Variants in THSD4 observed in about 807,000 individuals in gnomAD.
THSD4 encodes thrombospondin type-1 domain-containing protein 4.
A neutral mutation model predicts 119.0 loss-of-function variants in THSD4; 69 were observed. The ratio of observed to expected loss-of-function variants is 0.58; its 90% CI spans 0.48 to 0.71. The LOEUF is 0.71. THSD4 is among the 30% of genes least tolerant of loss of function. The pLI is 0.00. For missense variants in THSD4, 1,393 were observed against 1,391.1 expected (o/e 1.00, Z -0.02); for synonymous variants, 524 against 540.4 (o/e 0.97, Z 0.42).
At chr15:71,282,331 T>C (rs2044662641) in intron 6 of THSD4, among the ~76,000 whole-genome samples, 2 of 152,172 alleles carry the variant, frequency 1.3e-5, no homozygotes, top group African/African-American at 4.8e-5. Flanking sequence ...TTAAAAGTGT[T>C]CTCAGAGTTC....
intron 7 of THSD4, among the ~76,000 whole-genome samples, chr15:71,442,909 C>T (rs75024657): frequency 0.012 from 1,891 of 151,308 alleles, 41 homozygotes; most frequent in African/African-American, 0.042. Context: ...TTCCAGTCCC[C>T]ATAGTCCCTT....
upstream of THSD4, among the ~76,000 whole-genome samples, chr15:71,114,248 C>G (rs1028072067): frequency 6.6e-6 from 1 of 151,366 alleles, no homozygotes; most frequent in African/African-American, 2.4e-5. Context: ...GGAGGACAAT[C>G]TTCCCTGGGA....
At chr15:71,189,530 C>A (rs1472938470) in intron 3 of THSD4, among the ~76,000 whole-genome samples, 1 of 152,076 alleles carries the variant, frequency 6.6e-6, no homozygotes, top group Non-Finnish European at 1.5e-5. Context: ...ATTAGCCAGG[C>A]GCAGTGGCGG....
intron 7 of THSD4, among the ~76,000 whole-genome samples, chr15:71,641,254 G>C (rs1201912505): frequency 6.6e-6 from 1 of 152,048 alleles, no homozygotes; most frequent in Non-Finnish European, 1.5e-5. Flanking sequence ...CACTACGTGG[G>C]ATCAGTCCTT....
intron 7 of THSD4, among the ~76,000 whole-genome samples, chr15:71,641,799 A>T (rs977640003): frequency 6.6e-6 from 1 of 152,210 alleles, no homozygotes; most frequent in Non-Finnish European, 1.5e-5. Context: ...AAATGCTAGA[A>T]AAGGTACAAT....
intron 7 of THSD4, among the ~76,000 whole-genome samples, chr15:71,614,561 G>A (rs527503092): frequency 6.6e-6 from 1 of 152,042 alleles, no homozygotes; most frequent in East Asian, 1.9e-4. Flanking sequence ...CCTACCTTGT[G>A]GTGTGTCACC....
chr15:71,308,939 G>T (rs1421454268), intron 6 of THSD4, among the ~76,000 whole-genome samples: 1 of 152,084 alleles, frequency 6.6e-6, no homozygotes, highest in Non-Finnish European at 1.5e-5. Context: ...CATCCTAGTG[G>T]GGAGTGAAGT....
chr15:71,758,479 T>G (rs1395897565), intron 15 of THSD4, among the ~76,000 whole-genome samples: 1 of 152,254 alleles, frequency 6.6e-6, no homozygotes, highest in Non-Finnish European at 1.5e-5. Context: ...CTGCTATTAT[T>G]CCTGTTAATA....
At chr15:71,725,995 G>T (rs2052828747) in intron 8 of THSD4, among the ~76,000 whole-genome samples, 1 of 152,226 alleles carries the variant, frequency 6.6e-6, no homozygotes, top group Non-Finnish European at 1.5e-5. Context: ...GTTCAGGCTG[G>T]TCTGAAACCC....
intron 7 of THSD4, among the ~76,000 whole-genome samples, chr15:71,428,849 C>T (rs2046907369): frequency 6.6e-6 from 1 of 152,108 alleles, no homozygotes; most frequent in African/African-American, 2.4e-5. Flanking sequence ...TATTATCTTC[C>T]CCCTCTTTTT....
chr15:71,422,957 C>T lies in THSD4; in HGVS notation c.1152+11134C>T, dbSNP rs1258102769. 4.6e-5 allele frequency among the ~76,000 whole-genome samples: 7 copies of T among 152,152 alleles called. No individual in the cohort carries two copies. The East Asian group carries it at 5.8e-4, about 13-fold the overall frequency. On this transcript the variant is annotated intron_variant, in intron 7 of 17. Coordinates refer to ENST00000261862, the MANE Select transcript of THSD4 (RefSeq NM_024817.3). ...TTCTGCAAGCAGAGGAGTCTGTCCC[C>T]GTGGCCACCACCTCCACAGGCCCAT... is the stretch of plus-strand genomic sequence containing the variant.
rs772729777 is a variant in THSD4 at position 71,608,249 on chromosome 15, T to TATATAC, written c.1153-52280_1153-52279insTATACA. 5.0e-3 allele frequency among the ~76,000 whole-genome samples: 527 copies of TATATAC among 106,218 alleles called. 6 individuals are homozygous for TATATAC. Among genetic ancestry groups the TATATAC allele is most frequent in the Non-Finnish European group, 6.9e-3 (385 of 55,976 alleles). The allele number at this position is 106,218 out of a possible 152,430, so 69.7% of individuals were successfully genotyped here. A position where few individuals can be genotyped will look rare whatever the true frequency, so the allele number is the denominator to read the frequency against. On this transcript the variant is annotated intron_variant, in intron 7 of 17. Transcript: ENST00000261862. ...AAAAAAAAAAAAAAATATATATATATACACACACACACACACACACACACA... is the reference window on the plus strand; with the variant it reads ...AAAAAAAAAAAAAAATATATATATATATATACACACACACACACACACACACACACA...
At chr15:71,736,583 G>C (rs112317460) in intron 10 of THSD4, among the ~76,000 whole-genome samples, 1 of 132,706 alleles carries the variant, frequency 7.5e-6, no homozygotes, top group Non-Finnish European at 1.5e-5. Flanking sequence ...CTGTTTCTCT[G>C]TCTCTCTTGC....
At chr15:71,548,637 G>A (rs1193435793) in intron 7 of THSD4, among the ~76,000 whole-genome samples, 2 of 152,208 alleles carry the variant, frequency 1.3e-5, no homozygotes, top group Non-Finnish European at 2.9e-5. Context: ...TTCTGGGCCT[G>A]TGGGGGGATT....
At chr15:71,740,537 G>A (rs2053214726) in intron 11 of THSD4, among the ~76,000 whole-genome samples, 1 of 152,168 alleles carries the variant, frequency 6.6e-6, no homozygotes, top group Non-Finnish European at 1.5e-5. Flanking sequence ...GCCTTGTGTT[G>A]TGAGCAGGAT....
At chr15:71,235,958 C>T (rs905055882) in intron 4 of THSD4, among the ~76,000 whole-genome samples, 4 of 152,132 alleles carry the variant, frequency 2.6e-5, no homozygotes, top group Non-Finnish European at 5.9e-5. Context: ...GGAGACTTTC[C>T]ACGCGGGCAG....
At chr15:71,586,598 C>G (rs1056455955) in intron 7 of THSD4, among the ~76,000 whole-genome samples, 6 of 152,190 alleles carry the variant, frequency 3.9e-5, no homozygotes, top group Non-Finnish European at 7.3e-5. Flanking sequence ...AAATCCTTCT[C>G]ATACTTCAAA....
chr15:71,277,642 C>T (rs186477795), intron 6 of THSD4, among the ~76,000 whole-genome samples: 49 of 152,282 alleles, frequency 3.2e-4, no homozygotes, highest in African/African-American at 1.0e-3. Flanking sequence ...AAGATTACTA[C>T]GTGTGACATA....
Position 71,442,654 on chromosome 15 carries a change from G to GTA in THSD4, c.1152+30832_1152+30833insAT, listed in dbSNP as rs1555414306. 2.2e-3 allele frequency among the ~76,000 whole-genome samples: 45 copies of GTA among 20,616 alleles called. 4 individuals are homozygous for GTA. Among genetic ancestry groups the GTA allele is most frequent in the South Asian group, 7.4e-3 (3 of 404 alleles). The allele number at this position is 20,616 out of a possible 152,430, so 13.5% of individuals were successfully genotyped here. A position where few individuals can be genotyped will look rare whatever the true frequency, so the allele number is the denominator to read the frequency against. ...TGTATGTGTGTGTATATGTGTGTGT[G>GTA]TGTGTGTATATATATATATATATAT... On this transcript the variant is annotated intron_variant, in intron 7 of 17. Transcript: ENST00000261862.
Sources: gnomAD v4.1 joint callset for allele counts (sites outside exome capture counted in the v4.1 genomes callset) on GRCh38, gnomAD v4.1.1 for gene constraint, MANE v1.5 for transcripts, NCBI Gene and HGNC (gene_info 2026-07-23, HGNC 2026-07-21) for gene names.